The following RAP2A variants were observed in gnomAD, a reference collection of about 807,000 sequenced individuals.
The protein encoded by RAP2A is RAP2A, member of RAS oncogene family, also known as ras-related protein Rap-2a.
In RAP2A, 5 loss-of-function variants were observed where a neutral mutation model predicts 15.1. The ratio of observed to expected loss-of-function variants is 0.33; its 90% CI spans 0.17 to 0.70. RAP2A has a LOEUF of 0.70. RAP2A is among the 30% of genes least tolerant of loss of function. The pLI, the probability that RAP2A is intolerant of heterozygous loss-of-function variation, is 0.68. For missense variants in RAP2A, 111 were observed against 240.3 expected (o/e 0.46, Z 3.56); for synonymous variants, 110 against 99.7 (o/e 1.10, Z -0.62).
rs369963859 is a variant in RAP2A, at chr13:97,458,112, TTTG to T, written c.315-6092_315-6090del. Among the ~76,000 whole-genome samples the T allele has an allele frequency of 1.8e-3, 274 of 152,258 alleles. 1 individual carries two copies. The highest frequency in any genetic ancestry group is 6.2e-3 in the African/African-American group (259 of 41,548). On this transcript the variant is annotated intron_variant, in intron 1 of 1. Transcript: ENST00000245304. ...TGTTCAGACGTAAGCTCCAAAGCCA[TTTG>T]GTAAGTTTATCATGGAAGTAATTGA...
rs769180416 is a variant in RAP2A, at chr13:97,464,532, G to A, written c.*90G>A. 2.1e-4 allele frequency: 251 copies of A among 1,203,436 alleles called. No homozygotes were observed. The highest frequency in any genetic ancestry group is 2.8e-4 in the Non-Finnish European group (233 of 822,490). 74.5% of individuals were successfully genotyped at this position (1,203,436 alleles called of 1,614,324 possible). On this transcript the variant is annotated 3_prime_UTR_variant, in exon 2 of 2. Transcript: ENST00000245304. Reference sequence around the variant, plus strand: ...CTCCACTGCAGAACTTGCAGAATGCGTGGTGTTAATCTACAGAGAACTGCA... The same window carrying A: ...CTCCACTGCAGAACTTGCAGAATGCATGGTGTTAATCTACAGAGAACTGCA...
chr13:97,435,026 T>C (rs1286862215), intron 1 of RAP2A, among the ~76,000 whole-genome samples: 1 of 152,196 alleles, frequency 6.6e-6, no homozygotes, highest in Non-Finnish European at 1.5e-5. Flanking sequence ...GTTGTTAGCA[T>C]TGCTTGTTAC....
At chr13:97,445,108 T>A (rs1366440477) in intron 1 of RAP2A, among the ~76,000 whole-genome samples, 1 of 152,196 alleles carries the variant, frequency 6.6e-6, no homozygotes, top group Non-Finnish European at 1.5e-5. Context: ...CCGAATCACT[T>A]CCTAAAGTCC....
chr13:97,438,229 C>A (rs978323337), intron 1 of RAP2A, among the ~76,000 whole-genome samples: 5 of 152,156 alleles, frequency 3.3e-5, no homozygotes. Flanking sequence ...ACATGATATA[C>A]AAGGCCTCTT....
rs562172104 is a variant in RAP2A at position 97,443,937 on chromosome 13, G to A, written c.314+9153G>A. ...TGTAGTAACTCGTGAGATAACGAAC[G>A]TAAAGTGTTTCTTTACATAGTGAAC... On this transcript the variant is annotated intron_variant, in intron 1 of 1. Coordinates refer to ENST00000245304, the MANE Select transcript of RAP2A (RefSeq NM_021033.7). Among the ~76,000 whole-genome samples the A allele has an allele frequency of 6.3e-4, 96 of 152,188 alleles. 1 individual carries two copies. The highest frequency in any genetic ancestry group is 2.1e-3 in the African/African-American group (87 of 41,486).
rs995021881 is a variant in RAP2A at position 97,466,457 on chromosome 13, C to T, written c.*2015C>T. On this transcript the variant is annotated 3_prime_UTR_variant, in exon 2 of 2. Coordinates refer to ENST00000245304, the MANE Select transcript of RAP2A (RefSeq NM_021033.7). ...CAAACATGTAGAGAAGTTGTAGATTCAAGATATATGATTTCTCTATGGAAA... is the reference window on the plus strand; with the variant it reads ...CAAACATGTAGAGAAGTTGTAGATTTAAGATATATGATTTCTCTATGGAAA... 3.3e-5 allele frequency: 5 copies of T among 152,110 alleles called. No homozygotes were observed. The highest frequency in any genetic ancestry group is 7.4e-5 in the Non-Finnish European group (5 of 68,006). The allele number at this position is 152,110 out of a possible 1,614,324, so 9.4% of individuals were successfully genotyped here. A position where few individuals can be genotyped will look rare whatever the true frequency, so the allele number is the denominator to read the frequency against.
At chr13:97,454,702 T>C (rs1811903917) in intron 1 of RAP2A, among the ~76,000 whole-genome samples, 1 of 151,416 alleles carries the variant, frequency 6.6e-6, no homozygotes, top group Admixed American at 6.6e-5. Context: ...TACATAGTAT[T>C]TACTATTTTT....
At chr13:97,449,523 A>G (rs567897187) in intron 1 of RAP2A, among the ~76,000 whole-genome samples, 9 of 152,242 alleles carry the variant, frequency 5.9e-5, no homozygotes, top group Middle Eastern at 3.4e-3. Flanking sequence ...CTTAGAGACT[A>G]TTGGACACTC....
At position 97,434,507 on chromosome 13, in the gene RAP2A, G is replaced by C; in HGVS notation, c.37G>C (p.Gly13Arg). Reference sequence around the variant, plus strand: ...CAAAGTGGTGGTGCTGGGCTCGGGCGGGGTAGGCAAATCCGCCCTGACCGT... The same window carrying C: ...CAAAGTGGTGGTGCTGGGCTCGGGCCGGGTAGGCAAATCCGCCCTGACCGT... ...EYKVVVLGSG[G>R]VGKSALTVQF... The change falls in exon 1 of 2, where the codon GGG becomes CGG. Residue 13 changes from glycine to arginine, a missense_variant. Around this residue, in one of 3 missense-constraint regions of RAP2A, gnomAD observed 20 missense variants for 28.2 expected, o/e 0.71. Coordinates refer to ENST00000245304, the MANE Select transcript of RAP2A (RefSeq NM_021033.7). 1 of 1,612,760 alleles carries C rather than the reference G, an allele frequency of 6.2e-7. No individual in the cohort carries two copies. Among genetic ancestry groups the C allele is most frequent in the Non-Finnish European group, 8.5e-7 (1 of 1,179,250 alleles).
At chr13:97,458,569 T>C (rs1354490983) in intron 1 of RAP2A, among the ~76,000 whole-genome samples, 1 of 152,198 alleles carries the variant, frequency 6.6e-6, no homozygotes, top group East Asian at 1.9e-4. Context: ...TCAGAGCTTA[T>C]AGATATAGAC....
chr13:97,462,720 G>A (rs761932746), intron 1 of RAP2A, among the ~76,000 whole-genome samples: 79 of 152,134 alleles, frequency 5.2e-4, no homozygotes, highest in Non-Finnish European at 1.1e-3. Context: ...TCATTTTTAA[G>A]TTGTTTTCAT....
Position 97,464,235 on chromosome 13 carries a change from G to A in RAP2A, c.345G>A (p.Gly115=), listed in dbSNP as rs779061155. The A allele has an allele frequency of 1.2e-6, 2 of 1,614,182 alleles. No individual in the cohort carries two copies. Among genetic ancestry groups the A allele is most frequent in the East Asian group, 2.2e-5 (1 of 44,880 alleles). ...AGAAAGTGCCAGTCATCTTGGTTGGGAACAAAGTGGACCTGGAAAGTGAGA... is the reference window on the plus strand; with the variant it reads ...AGAAAGTGCCAGTCATCTTGGTTGGAAACAAAGTGGACCTGGAAAGTGAGA... The part of the protein sequence containing the change: ...RYEKVPVILV[G]NKVDLESERE... The change falls in exon 2 of 2, where the codon GGG becomes GGA. Residue 115 remains glycine (G), a synonymous_variant. Transcript: ENST00000245304.
At chr13:97,456,273 A>G (rs2066722599) in intron 1 of RAP2A, among the ~76,000 whole-genome samples, 2 of 144,308 alleles carry the variant, frequency 1.4e-5, no homozygotes, top group African/African-American at 5.2e-5. Context: ...GGCCACAAGA[A>G]AAAAAAAAAC....
intron 1 of RAP2A, among the ~76,000 whole-genome samples, chr13:97,458,827 A>G (rs80228972): frequency 0.011 from 1,669 of 152,280 alleles, 24 homozygotes; most frequent in African/African-American, 0.039. Flanking sequence ...TGAGTTACTG[A>G]TATTTTAAAA....
At chr13:97,449,283 C>T (rs546890177) in intron 1 of RAP2A, among the ~76,000 whole-genome samples, 6 of 152,194 alleles carry the variant, frequency 3.9e-5, no homozygotes, top group East Asian at 1.9e-4. Flanking sequence ...GTAATTATTA[C>T]GGAAGTAGCA....
intron 1 of RAP2A, among the ~76,000 whole-genome samples, chr13:97,437,815 A>G (rs781045290): frequency 1.3e-5 from 2 of 152,250 alleles, no homozygotes; most frequent in Non-Finnish European, 2.9e-5. Context: ...CATAGCACTA[A>G]TGCATAGCCA....
chr13:97,442,240 TA>T (rs1361410988), intron 1 of RAP2A, among the ~76,000 whole-genome samples: 57 of 152,284 alleles, frequency 3.7e-4, no homozygotes, highest in African/African-American at 1.3e-3. Flanking sequence ...ATAATCTAGC[TA>T]AGATTTTGTC....
intron 1 of RAP2A, among the ~76,000 whole-genome samples, chr13:97,444,960 A>G (rs1446963922): frequency 6.6e-6 from 1 of 152,184 alleles, no homozygotes. Flanking sequence ...AGGAAATCCA[A>G]AGTCAAGACA....
chr13:97,442,805 T>C (rs763021629), intron 1 of RAP2A, among the ~76,000 whole-genome samples: 16 of 152,216 alleles, frequency 1.1e-4, no homozygotes, highest in Non-Finnish European at 1.8e-4. Context: ...AGCAATGCTG[T>C]GTAAGATTAC....
Sources: allele counts gnomAD v4.1 joint callset (sites outside exome capture counted in the v4.1 genomes callset), GRCh38; gene constraint gnomAD v4.1.1; regional missense constraint gnomAD v4.1.1; transcripts MANE v1.5; gene names NCBI Gene and HGNC (gene_info 2026-07-23, HGNC 2026-07-21).